Variants in AP2B1 observed in about 807,000 individuals in gnomAD.
AP2B1 encodes AP-2 complex subunit beta.
Under a neutral mutation model 102.0 loss-of-function variants are expected in AP2B1, and 23 were observed. The ratio of observed to expected loss-of-function variants is 0.23; its 90% CI spans 0.16 to 0.32. The LOEUF (loss-of-function observed/expected upper bound fraction) is 0.32, where lower values mean the gene tolerates loss of function less well. Ranked by LOEUF, AP2B1 falls within the 10% of genes least tolerant of loss-of-function variation. AP2B1 has a pLI of 1.00. For missense variants in AP2B1, 541 were observed against 1,157.4 expected, an observed-to-expected ratio of 0.47 and a Z score of 7.73; for synonymous variants, 381 against 421.2, an observed-to-expected ratio of 0.90 and a Z score of 1.17.
At chr17:35,632,835 C>T (rs2074500123) in intron 9 of AP2B1, among the ~76,000 whole-genome samples, 1 of 151,908 alleles carries the variant, frequency 6.6e-6, no homozygotes, top group Non-Finnish European at 1.5e-5. Flanking sequence ...ATATCAAGCA[C>T]TGTGCTAAGC....
chr17:35,599,393 T>A (rs2073402064), intron 3 of AP2B1, among the ~76,000 whole-genome samples: 1 of 152,192 alleles, frequency 6.6e-6, no homozygotes, highest in South Asian at 2.1e-4. Context: ...AAGTAAAAAA[T>A]TAGAATTTTG....
chr17:35,625,000 A>G (rs1344271358), intron 6 of AP2B1, among the ~76,000 whole-genome samples: 3 of 152,200 alleles, frequency 2.0e-5, no homozygotes, highest in African/African-American at 7.2e-5. Context: ...TGTTAAAGTC[A>G]GCAGAATATA....
Position 35,709,321 on chromosome 17 carries a change from C to T in AP2B1, c.2539+13C>T. On this transcript the variant is annotated intron_variant, in intron 19 of 21. Coordinates refer to ENST00000610402, the MANE Select transcript of AP2B1 (RefSeq NM_001030006.2). ...GATGGCAAAATGGGTAAGTACCTTCCTGCCTGTCCTGCTGAATATACCTTT... is the reference window on the plus strand; with the variant it reads ...GATGGCAAAATGGGTAAGTACCTTCTTGCCTGTCCTGCTGAATATACCTTT... 1 of 1,603,976 alleles carries T rather than the reference C, an allele frequency of 6.2e-7. No individual in the cohort carries two copies. Among genetic ancestry groups the T allele is most frequent in the Non-Finnish European group, 8.5e-7 (1 of 1,170,866 alleles).
At chr17:35,614,483 C>G (rs1043077184) in intron 5 of AP2B1, among the ~76,000 whole-genome samples, 15 of 152,012 alleles carry the variant, frequency 9.9e-5, no homozygotes, top group Non-Finnish European at 1.6e-4. Flanking sequence ...AGCCACCATG[C>G]CTGGCCTGCT....
chr17:35,674,737 T>C (rs567961288), intron 17 of AP2B1, among the ~76,000 whole-genome samples: 75 of 152,322 alleles, frequency 4.9e-4, no homozygotes, highest in African/African-American at 1.7e-3. Context: ...CATTGGCAGA[T>C]GCTGTATGTA....
intron 14 of AP2B1, among the ~76,000 whole-genome samples, chr17:35,667,712 C>G (rs1356369209): frequency 6.6e-6 from 1 of 152,132 alleles, no homozygotes; most frequent in East Asian, 1.9e-4. Context: ...ACTGCTGTTT[C>G]CTTTCCAATG....
At chr17:35,630,571 A>G (rs1945327070) in intron 9 of AP2B1, among the ~76,000 whole-genome samples, 1 of 152,200 alleles carries the variant, frequency 6.6e-6, no homozygotes, top group Admixed American at 6.5e-5. Context: ...ACAAAGCTGT[A>G]AACAGTAATA....
intron 14 of AP2B1, among the ~76,000 whole-genome samples, chr17:35,662,136 A>T (rs1310442012): frequency 6.6e-6 from 1 of 152,192 alleles, no homozygotes; most frequent in East Asian, 1.9e-4. Context: ...AAGTAAACAT[A>T]CTGTAGCTCC....
At position 35,599,667 on chromosome 17, in the gene AP2B1, G is replaced by A. The variant is rs190785260; in HGVS notation, c.143+1332G>A. Among the ~76,000 whole-genome samples the A allele has an allele frequency of 4.2e-3, 636 of 152,300 alleles. 4 individuals carry two copies. The highest frequency in any genetic ancestry group is 0.017 in the Middle Eastern group (5 of 294). On this transcript the variant is annotated intron_variant, in intron 3 of 21. Coordinates refer to ENST00000610402, the MANE Select transcript of AP2B1 (RefSeq NM_001030006.2). ...GGTTGTGATCCCAGTATTTTGGGAG[G>A]CCGAGGCAGGCGGATCACTTGAGGG...
chr17:35,710,362 C>G (rs782162400), intron 20 of AP2B1, 42 bp downstream of exon 20: 1 of 1,335,840 alleles, frequency 7.5e-7, no homozygotes, highest in South Asian at 1.2e-5. Flanking sequence ...CTTAGTAAAT[C>G]AAATTAGATA....
intron 17 of AP2B1, among the ~76,000 whole-genome samples, chr17:35,676,950 T>C (rs909860285): frequency 3.9e-5 from 6 of 152,202 alleles, no homozygotes; most frequent in African/African-American, 7.2e-5. Context: ...TGGCTTGCCT[T>C]TTCTTAATAA....
At chr17:35,601,753 C>T (rs978400588) in intron 3 of AP2B1, among the ~76,000 whole-genome samples, 3 of 151,398 alleles carry the variant, frequency 2.0e-5, no homozygotes, top group Admixed American at 6.6e-5. Context: ...TCAGTACAAA[C>T]GAATTGGTAA....
intron 9 of AP2B1, among the ~76,000 whole-genome samples, chr17:35,634,726 C>A (rs781754930): frequency 1.3e-5 from 2 of 152,098 alleles, no homozygotes; most frequent in Non-Finnish European, 2.9e-5. Flanking sequence ...TGTTTTGGAT[C>A]ATGTGTAACT....
At chr17:35,717,976 A>G (rs1555590865) in intron 21 of AP2B1, among the ~76,000 whole-genome samples, 1 of 152,226 alleles carries the variant, frequency 6.6e-6, no homozygotes. Context: ...GCCAAGCACT[A>G]GGCATTTGTT....
At chr17:35,601,660 C>T (rs2073488151) in intron 3 of AP2B1, among the ~76,000 whole-genome samples, 1 of 152,154 alleles carries the variant, frequency 6.6e-6, no homozygotes, top group African/African-American at 2.4e-5. Context: ...TAGATTTAAC[C>T]CACAGGCGGT....
intron 12 of AP2B1, among the ~76,000 whole-genome samples, chr17:35,642,199 A>G (rs928631277): frequency 6.6e-6 from 1 of 152,198 alleles, no homozygotes; most frequent in Non-Finnish European, 1.5e-5. Flanking sequence ...TTCATAATTC[A>G]TGAAAATTGA....
chr17:35,597,901 C>G (rs925053659), intron 2 of AP2B1, among the ~76,000 whole-genome samples: 2 of 152,182 alleles, frequency 1.3e-5, no homozygotes, highest in African/African-American at 2.4e-5. Flanking sequence ...CTTTAACATT[C>G]TGATGGAAGA....
At chr17:35,614,256 GGCTTGATCATA>G (rs1321515100) in intron 5 of AP2B1, among the ~76,000 whole-genome samples, 1 of 152,104 alleles carries the variant, frequency 6.6e-6, no homozygotes, top group African/African-American at 2.4e-5. Context: ...GGTGTGCAAT[GGCTTGATCATA>G]GCTCAGTGCA....
intron 6 of AP2B1, 42 bp downstream of exon 6, chr17:35,624,629 A>T (rs774902099): frequency 8.2e-6 from 13 of 1,579,696 alleles, no homozygotes; most frequent in African/African-American, 5.4e-5. Flanking sequence ...GTCTTGCCTG[A>T]TGCAGTAAGT....
Sources: allele counts gnomAD v4.1 joint callset (sites outside exome capture counted in the v4.1 genomes callset), GRCh38; gene constraint gnomAD v4.1.1; transcripts MANE v1.5; gene names NCBI Gene and HGNC (gene_info 2026-07-23, HGNC 2026-07-21).